The following ROBO1 variants were observed in gnomAD, a reference collection of about 807,000 sequenced individuals.
The protein encoded by ROBO1 is roundabout homolog 1.
A neutral mutation model predicts 195.9 loss-of-function variants in ROBO1; 149 were observed. The ratio of observed to expected loss-of-function variants is 0.76; its 90% confidence interval spans 0.67 to 0.87. ROBO1 has a LOEUF of 0.87. Among genes scored for constraint, ROBO1 ranks in the 40% least tolerant of loss-of-function variants. The probability of loss-of-function intolerance (pLI) is 0.00; values close to 1 mark genes in which losing one functional copy is unlikely to be tolerated. For missense variants in ROBO1, 1,933 were observed against 2,068.3 expected, an observed-to-expected ratio of 0.93 and a Z score of 1.27; for synonymous variants, 816 against 733.2, an observed-to-expected ratio of 1.11 and a Z score of -1.82.
chr3:78,882,882 G>A (rs903800724), intron 4 of ROBO1, among the ~76,000 whole-genome samples: 6 of 142,378 alleles, frequency 4.2e-5, no homozygotes, highest in Non-Finnish European at 6.0e-5. Context: ...GTGTGATCTT[G>A]GCTCACTGCA....
chr3:79,320,587 C>A (rs2033937627), intron 2 of ROBO1, among the ~76,000 whole-genome samples: 1 of 152,128 alleles, frequency 6.6e-6, no homozygotes, highest in African/African-American at 2.4e-5. Context: ...ACCTGGGCTT[C>A]CCAAAGATCT....
rs551629710 is a variant in ROBO1 at position 79,693,515 on chromosome 3, T to C, written c.-51+74237A>G. On this transcript the variant is annotated intron_variant, in intron 1 of 30. Coordinates refer to ENST00000464233, the MANE Select transcript of ROBO1 (RefSeq NM_002941.4). ...TCAGTGGCACGATCATAGCTCACTG[T>C]AACCTTGAACTCTTGGGCTGAAGCA... is the stretch of plus-strand genomic sequence containing the variant. Among the ~76,000 whole-genome samples, 11 of 151,734 alleles carry C rather than the reference T, an allele frequency of 7.2e-5. No individual in the cohort carries two copies. The East Asian group carries it at 1.9e-3, about 27-fold the overall frequency.
At chr3:79,514,055 C>A (rs1940838324) in intron 2 of ROBO1, among the ~76,000 whole-genome samples, 1 of 152,122 alleles carries the variant, frequency 6.6e-6, no homozygotes, top group Non-Finnish European at 1.5e-5. Context: ...TCTATGATCC[C>A]AACACACTTA....
chr3:79,192,936 C>T (rs191820023), intron 2 of ROBO1, among the ~76,000 whole-genome samples: 1 of 151,444 alleles, frequency 6.6e-6, no homozygotes, highest in Admixed American at 6.6e-5. Flanking sequence ...GAGTCTTGGA[C>T]CAGAGAGGCG....
intron 2 of ROBO1, among the ~76,000 whole-genome samples, chr3:79,586,017 A>G (rs1015569095): frequency 2.6e-5 from 4 of 151,960 alleles, no homozygotes; most frequent in African/African-American, 7.2e-5. Flanking sequence ...GCACGCATGC[A>G]ACATTACTTG....
chr3:78,911,199 A>C (rs1440938940), intron 4 of ROBO1, among the ~76,000 whole-genome samples: 2 of 152,056 alleles, frequency 1.3e-5, no homozygotes, highest in African/African-American at 2.4e-5. Flanking sequence ...AAGAACCTAA[A>C]GGAAATAATA....
chr3:78,793,495 T>C (rs993969153), intron 4 of ROBO1, among the ~76,000 whole-genome samples: 13 of 152,160 alleles, frequency 8.5e-5, no homozygotes, highest in African/African-American at 2.7e-4. Context: ...TGATGACAAG[T>C]AGGAGAAAAT....
intron 2 of ROBO1, among the ~76,000 whole-genome samples, chr3:79,472,039 C>T (rs1938306984): frequency 6.6e-6 from 1 of 151,884 alleles, no homozygotes. Flanking sequence ...ACCTATGTAA[C>T]AAAACTGCAT....
At chr3:79,229,295 GAACT>G (rs1218754372) in intron 2 of ROBO1, among the ~76,000 whole-genome samples, 2 of 151,922 alleles carry the variant, frequency 1.3e-5, no homozygotes, top group Admixed American at 6.6e-5. Context: ...TAAATAAACT[GAACT>G]AACTGACTAC....
chr3:78,597,617 T>C lies in ROBO1; in HGVS notation c.*1296A>G, dbSNP rs546227286. 5.2e-5 allele frequency: 8 copies of C among 152,442 alleles called. No homozygotes were observed. Among genetic ancestry groups the C allele is most frequent in the Admixed American group, 5.2e-4 (8 of 15,298 alleles). The allele number at this position is 152,442 out of a possible 1,614,324, so 9.4% of individuals were successfully genotyped here. A position where few individuals can be genotyped will look rare whatever the true frequency, so the allele number is the denominator to read the frequency against. Reference sequence around the variant, plus strand: ...ACAAAAAAGGATCATAGAAATCTACTAGTCAGAGGGCATCATTTGTCAATT... The same window carrying C: ...ACAAAAAAGGATCATAGAAATCTACCAGTCAGAGGGCATCATTTGTCAATT... On this transcript the variant is annotated 3_prime_UTR_variant, in exon 31 of 31. Coordinates refer to ENST00000464233, the MANE Select transcript of ROBO1 (RefSeq NM_002941.4).
At chr3:79,376,958 C>T (rs1217207802) in intron 2 of ROBO1, among the ~76,000 whole-genome samples, 3 of 152,186 alleles carry the variant, frequency 2.0e-5, no homozygotes, top group African/African-American at 4.8e-5. Context: ...AATAGAAACA[C>T]ATACATGCAA....
At chr3:79,408,862 A>T (rs2037658224) in intron 2 of ROBO1, among the ~76,000 whole-genome samples, 1 of 152,180 alleles carries the variant, frequency 6.6e-6, no homozygotes, top group African/African-American at 2.4e-5. Flanking sequence ...GAGCAAAACC[A>T]TATTCAATAC....
chr3:79,083,117 G>A (rs894589926), intron 3 of ROBO1, among the ~76,000 whole-genome samples: 3 of 151,954 alleles, frequency 2.0e-5, no homozygotes, highest in Admixed American at 1.3e-4. Context: ...GAATCACTTG[G>A]GCCAAAGAGG....
chr3:79,617,153 G>A (rs947201061), intron 1 of ROBO1, among the ~76,000 whole-genome samples: 2 of 152,104 alleles, frequency 1.3e-5, no homozygotes, highest in African/African-American at 2.4e-5. Flanking sequence ...ACCACCCTAT[G>A]GAGACCTCAC....
At chr3:79,206,796 A>G (rs937824026) in intron 2 of ROBO1, among the ~76,000 whole-genome samples, 5 of 152,214 alleles carry the variant, frequency 3.3e-5, no homozygotes, top group African/African-American at 1.2e-4. Flanking sequence ...CTTCCTAGGA[A>G]TGTTGAATAA....
At chr3:78,911,599 A>G (rs2038243585) in intron 4 of ROBO1, among the ~76,000 whole-genome samples, 1 of 152,036 alleles carries the variant, frequency 6.6e-6, no homozygotes, top group Non-Finnish European at 1.5e-5. Context: ...TCCTGATCCT[A>G]CTGAGTAAGG....
At chr3:79,578,735 G>A (rs1021057969) in intron 2 of ROBO1, among the ~76,000 whole-genome samples, 5 of 152,088 alleles carry the variant, frequency 3.3e-5, no homozygotes, top group Non-Finnish European at 5.9e-5. Flanking sequence ...TTCCTGTCAC[G>A]ATGGTAAGAT....
chr3:79,438,806 T>C (rs951402882), intron 2 of ROBO1, among the ~76,000 whole-genome samples: 2 of 152,056 alleles, frequency 1.3e-5, no homozygotes, highest in African/African-American at 4.8e-5. Context: ...TTTTATTTTT[T>C]CTTTTCTTCC....
chr3:78,602,517 T>C (rs1703236961), intron 29 of ROBO1, among the ~76,000 whole-genome samples: 1 of 152,146 alleles, frequency 6.6e-6, no homozygotes, highest in Admixed American at 6.6e-5. Context: ...TAATACTACA[T>C]ATATATTATT....
Sources: gnomAD v4.1 joint callset for allele counts (sites outside exome capture counted in the v4.1 genomes callset) on GRCh38, gnomAD v4.1.1 for gene constraint, MANE v1.5 for transcripts, NCBI Gene and HGNC (gene_info 2026-07-23, HGNC 2026-07-21) for gene names.